The following SLCO3A1 variants were observed in gnomAD, a reference collection of about 807,000 sequenced individuals.
SLCO3A1 encodes the protein solute carrier organic anion transporter family member 3A1.
A neutral mutation model predicts 63.1 loss-of-function variants in SLCO3A1; 27 were observed. The ratio of observed to expected loss-of-function variants is 0.43; its 90% CI spans 0.32 to 0.59. SLCO3A1 has a LOEUF of 0.59. Among genes scored for constraint, SLCO3A1 ranks in the 20% least tolerant of loss-of-function variants. SLCO3A1 has a pLI of 0.09. For missense variants in SLCO3A1, 773 were observed against 945.8 expected (o/e 0.82, Z 2.40); for synonymous variants, 473 against 409.9 (o/e 1.15, Z -1.86).
chr15:92,171,677 T>A, intron 10 of SLCO3A1: 1 of 836,346 alleles, frequency 1.2e-6, no homozygotes, highest in Non-Finnish European at 2.0e-6. Flanking sequence ...GTCCCTTCAC[T>A]GCAAAGCCAT....
chr15:92,146,901 G>A, intron 7 of SLCO3A1, 83 bp from the exon 8 acceptor site: 1 of 1,295,870 alleles, frequency 7.7e-7, no homozygotes, highest in Non-Finnish European at 1.1e-6. Context: ...TAATTAGGCT[G>A]TGACAGATTC....
At chr15:92,069,035 G>A (rs2047184122) in intron 2 of SLCO3A1, among the ~76,000 whole-genome samples, 1 of 152,120 alleles carries the variant, frequency 6.6e-6, no homozygotes. Context: ...ATAAGACCGA[G>A]GTTCTTCCCC....
intron 2 of SLCO3A1, among the ~76,000 whole-genome samples, chr15:92,086,758 C>T (rs1555431249): frequency 6.6e-6 from 1 of 152,014 alleles, no homozygotes; most frequent in Non-Finnish European, 1.5e-5. Context: ...GGTGGATCAC[C>T]TGAGGTCAAA....
chr15:92,014,624 C>T (rs961932992), intron 2 of SLCO3A1, among the ~76,000 whole-genome samples: 2 of 152,170 alleles, frequency 1.3e-5, no homozygotes, highest in Non-Finnish European at 1.5e-5. Flanking sequence ...TCCTCCTCCA[C>T]TTGTCCACTA....
chr15:92,053,526 A>G (rs2046983421), intron 2 of SLCO3A1, among the ~76,000 whole-genome samples: 1 of 152,102 alleles, frequency 6.6e-6, no homozygotes, highest in African/African-American at 2.4e-5. Context: ...CATCCGGGAC[A>G]TCGCATTACA....
chr15:92,054,534 G>A (rs2046999213), intron 2 of SLCO3A1, among the ~76,000 whole-genome samples: 1 of 152,098 alleles, frequency 6.6e-6, no homozygotes, highest in Non-Finnish European at 1.5e-5. Context: ...ATGGTGGTTT[G>A]CTGCACCTGT....
At chr15:91,965,996 G>C (rs1397449813) in intron 2 of SLCO3A1, among the ~76,000 whole-genome samples, 1 of 152,162 alleles carries the variant, frequency 6.6e-6, no homozygotes, top group Non-Finnish European at 1.5e-5. Flanking sequence ...ATGCAATTTT[G>C]TTAAGAACTG....
intron 2 of SLCO3A1, among the ~76,000 whole-genome samples, chr15:92,078,056 C>G (rs964312783): frequency 9.9e-5 from 15 of 152,098 alleles, no homozygotes; most frequent in Non-Finnish European, 2.9e-5. Flanking sequence ...TAGCACATGG[C>G]GGGTATTTAA....
At chr15:91,876,496 A>G (rs1335955984) in intron 1 of SLCO3A1, among the ~76,000 whole-genome samples, 11 of 152,244 alleles carry the variant, frequency 7.2e-5, no homozygotes, top group Admixed American at 7.2e-4. Flanking sequence ...CACCATGAGC[A>G]GGGGTCAAGC....
At chr15:92,051,946 G>T (rs2046963096) in intron 2 of SLCO3A1, among the ~76,000 whole-genome samples, 1 of 152,138 alleles carries the variant, frequency 6.6e-6, no homozygotes, top group Non-Finnish European at 1.5e-5. Context: ...ATGTACTGGG[G>T]AGCAGTTGGT....
At chr15:92,144,324 C>T (rs921118487) in intron 7 of SLCO3A1, among the ~76,000 whole-genome samples, 1 of 152,098 alleles carries the variant, frequency 6.6e-6, no homozygotes, top group African/African-American at 2.4e-5. Context: ...GCTTGAATAC[C>T]ATGGTCCAGG....
chr15:91,937,180 A>T (rs924372267), intron 2 of SLCO3A1, among the ~76,000 whole-genome samples: 1 of 152,162 alleles, frequency 6.6e-6, no homozygotes, highest in Non-Finnish European at 1.5e-5. Flanking sequence ...ACTTACATTA[A>T]AATGTGTTTC....
At chr15:91,924,989 A>G (rs954226698) in intron 2 of SLCO3A1, among the ~76,000 whole-genome samples, 1 of 152,232 alleles carries the variant, frequency 6.6e-6, no homozygotes, top group African/African-American at 2.4e-5. Context: ...GATGACCTGA[A>G]GAAAGGTGAA....
Position 91,853,840 on chromosome 15 carries a change from A to G in SLCO3A1, c.-69A>G, listed in dbSNP as rs2141825133. 1.7e-6 allele frequency: 2 copies of G among 1,195,834 alleles called. No homozygotes were observed. The highest frequency in any genetic ancestry group is 3.5e-5 in the African/African-American group (2 of 56,428). 74.1% of individuals were successfully genotyped at this position (1,195,834 alleles called of 1,614,324 possible). A position where few individuals can be genotyped will look rare whatever the true frequency, so the allele number is the denominator to read the frequency against. ...CTCGAGGCGCGCACCCCCGCCCGGC[A>G]GCGGCCCCGACACCCGGGGCGAGCG... On this transcript the variant is annotated 5_prime_UTR_variant, in exon 1 of 10. Transcript: ENST00000318445.
rs1465841542 is a variant in SLCO3A1, at chr15:92,128,500, G to A, written c.1512+11G>A. ...GGCTGCAACAGCACGGTAATGGGAT[G>A]GGGCAGGGGATGGGGCAGGGGATTC... On this transcript the variant is annotated intron_variant, in intron 7 of 9. Coordinates refer to ENST00000318445, the MANE Select transcript of SLCO3A1 (RefSeq NM_013272.4). 1.4e-5 allele frequency: 22 copies of A among 1,565,224 alleles called. No homozygotes were observed. Among genetic ancestry groups the A allele is most frequent in the Non-Finnish European group, 1.9e-5 (22 of 1,163,120 alleles).
At chr15:92,092,635 A>G (rs1246766270) in intron 2 of SLCO3A1, among the ~76,000 whole-genome samples, 1 of 152,014 alleles carries the variant, frequency 6.6e-6, no homozygotes, top group East Asian at 1.9e-4. Context: ...TCTGACTCGG[A>G]CAACTGTTCT....
intron 4 of SLCO3A1, among the ~76,000 whole-genome samples, chr15:92,118,470 G>A (rs563128349): frequency 3.0e-4 from 45 of 152,254 alleles, no homozygotes; most frequent in African/African-American, 9.9e-4. Context: ...TCCTGGAAAT[G>A]GTAAATTCTA....
At position 92,126,654 on chromosome 15, in the gene SLCO3A1, G is replaced by A. The variant is rs1277377160; in HGVS notation, c.1373+395G>A. On this transcript the variant is annotated intron_variant, in intron 6 of 9. Coordinates refer to ENST00000318445, the MANE Select transcript of SLCO3A1 (RefSeq NM_013272.4). ...TCAGAAGCTGTCATTAGGCTCACAT[G>A]GCAATTACAGGATCTGGCCCATGGC... is the stretch of plus-strand genomic sequence containing the variant. Among the ~76,000 whole-genome samples the A allele has an allele frequency of 2.0e-5, 3 of 152,176 alleles. No individual in the cohort carries two copies. The East Asian group carries it at 5.8e-4, about 29-fold the overall frequency.
intron 7 of SLCO3A1, among the ~76,000 whole-genome samples, chr15:92,131,355 C>CCCAAACCCCACTGG (rs1209144595): frequency 7.0e-6 from 1 of 142,872 alleles, no homozygotes; most frequent in African/African-American, 2.6e-5. Context: ...CTCCCTATTC[C>CCCAAACCCCACTGG]TCCCACCTCT....
Sources: gnomAD v4.1 joint callset for allele counts (sites outside exome capture counted in the v4.1 genomes callset) on GRCh38, gnomAD v4.1.1 for gene constraint, MANE v1.5 for transcripts, NCBI Gene and HGNC (gene_info 2026-07-23, HGNC 2026-07-21) for gene names.